COL28A1: variants seen among roughly 807,000 people sequenced by gnomAD.
COL28A1 encodes collagen type XXVIII alpha 1 chain, also known as collagen alpha-1(XXVIII) chain.
COL28A1 carries 161 observed loss-of-function variants against 150.2 expected under a neutral mutation model. The ratio of observed to expected loss-of-function variants is 1.07; its 90% CI spans 0.94 to 1.22. COL28A1 has a LOEUF of 1.22. Ranked by LOEUF, COL28A1 falls within the 50% of genes most tolerant of loss-of-function variation. The pLI is 0.00. For missense variants in COL28A1, 1,617 were observed against 1,388.3 expected, an observed-to-expected ratio of 1.16 and a Z score of -2.62; for synonymous variants, 552 against 469.7, an observed-to-expected ratio of 1.18 and a Z score of -2.26.
At chr7:7,406,941 C>T (rs1254521608) in intron 27 of COL28A1, among the ~76,000 whole-genome samples, 1 of 151,870 alleles carries the variant, frequency 6.6e-6, no homozygotes, top group Non-Finnish European at 1.5e-5. Context: ...GGACTGAATT[C>T]TTTTTCTAAA....
chr7:7,474,100 C>T (rs1041467809), intron 15 of COL28A1, among the ~76,000 whole-genome samples: 5 of 138,154 alleles, frequency 3.6e-5, no homozygotes, highest in Non-Finnish European at 7.5e-5. Flanking sequence ...TGATGGAATA[C>T]TACTCAGTCA....
upstream of COL28A1, among the ~76,000 whole-genome samples, chr7:7,539,150 G>A (rs1782743288): frequency 1.3e-5 from 2 of 152,076 alleles, no homozygotes; most frequent in African/African-American, 2.4e-5. Context: ...TCCATTTTGT[G>A]TTGCTATAAA....
At chr7:7,540,794 G>A (rs1291470482), upstream of COL28A1, among the ~76,000 whole-genome samples, 1 of 152,080 alleles carries the variant, frequency 6.6e-6, no homozygotes, top group Non-Finnish European at 1.5e-5. Context: ...TTAGTGCCTG[G>A]GCCATTAAAG....
intron 18 of COL28A1, among the ~76,000 whole-genome samples, chr7:7,451,647 C>T (rs1485264813): frequency 6.6e-6 from 1 of 152,032 alleles, no homozygotes; most frequent in African/African-American, 2.4e-5. Flanking sequence ...CTGCAATTGA[C>T]ATATATATAA....
intron 20 of COL28A1, among the ~76,000 whole-genome samples, chr7:7,442,720 T>C (rs1026871442): frequency 6.6e-5 from 10 of 152,142 alleles, no homozygotes; most frequent in African/African-American, 2.4e-4. Context: ...AATCTTTACA[T>C]GGGAATTGAT....
chr7:7,362,895 T>C (rs762603975), intron 33 of COL28A1, among the ~76,000 whole-genome samples: 2 of 152,152 alleles, frequency 1.3e-5, no homozygotes, highest in Admixed American at 6.5e-5. Context: ...AGGGTCTCGC[T>C]GTGTTGCCCA....
intron 3 of COL28A1, among the ~76,000 whole-genome samples, chr7:7,529,579 A>C (rs1450299995): frequency 1.3e-5 from 2 of 152,192 alleles, no homozygotes; most frequent in African/African-American, 2.4e-5. Context: ...TTTTGCTTCC[A>C]GTCTACTGCC....
rs1016332419 is a variant in COL28A1, at chr7:7,517,721, G to C, written c.855+75C>G. ...AATCACTTTTGCACTTGCACTAAGG[G>C]GGTCAAAATGGTCAACCACAAAATC... On this transcript the variant is annotated intron_variant, in intron 7 of 34. Coordinates refer to ENST00000399429, the MANE Select transcript of COL28A1 (RefSeq NM_001037763.3). The C allele has an allele frequency of 1.5e-5, 24 of 1,608,210 alleles. No individual in the cohort carries two copies. In the African/African-American group the frequency reaches 2.7e-4, roughly 18 times the overall value.
the COL28A1 span, among the ~76,000 whole-genome samples, chr7:7,347,521 A>G: frequency 6.6e-6 from 1 of 152,124 alleles, no homozygotes; most frequent in Non-Finnish European, 1.5e-5. Flanking sequence ...CCAGCATTTC[A>G]GTCATTTCTC....
chr7:7,443,247 A>G (rs1785952548), intron 20 of COL28A1, among the ~76,000 whole-genome samples: 2 of 152,180 alleles, frequency 1.3e-5, no homozygotes, highest in Admixed American at 1.3e-4. Context: ...ATTGCATGAG[A>G]TTTTATAAAG....
intron 18 of COL28A1, among the ~76,000 whole-genome samples, chr7:7,448,429 GCA>G (rs1786434264): frequency 1.3e-5 from 2 of 151,686 alleles, no homozygotes; most frequent in African/African-American, 2.4e-5. Flanking sequence ...AAAAGCAACT[GCA>G]CACTATAATT....
chr7:7,416,431 G>T (rs994339464), intron 27 of COL28A1, among the ~76,000 whole-genome samples: 1 of 152,206 alleles, frequency 6.6e-6, no homozygotes, highest in Non-Finnish European at 1.5e-5. Flanking sequence ...GCCTAAAGAC[G>T]TGGCAGCAAT....
chr7:7,432,448 T>G, intron 25 of COL28A1, 25 bp downstream of exon 25: 1 of 1,606,116 alleles, frequency 6.2e-7, no homozygotes, highest in Non-Finnish European at 8.5e-7. Flanking sequence ...TAGAAGCTAG[T>G]ACGTTGCCTA....
At chr7:7,509,908 C>A (rs901325356) in intron 9 of COL28A1, among the ~76,000 whole-genome samples, 4 of 152,148 alleles carry the variant, frequency 2.6e-5, no homozygotes, top group Non-Finnish European at 4.4e-5. Flanking sequence ...GAGATAATTA[C>A]CAAGCCTACC....
At chr7:7,427,893 C>CT (rs1409098090) in intron 25 of COL28A1, among the ~76,000 whole-genome samples, 1 of 152,172 alleles carries the variant, frequency 6.6e-6, no homozygotes, top group Non-Finnish European at 1.5e-5. Context: ...GATTGAGCAT[C>CT]TGTGGATCAG....
At chr7:7,377,445 C>T (rs1781616494) in intron 30 of COL28A1, among the ~76,000 whole-genome samples, 1 of 152,106 alleles carries the variant, frequency 6.6e-6, no homozygotes, top group Non-Finnish European at 1.5e-5. Context: ...TCTCGATCTG[C>T]TGGGAATTCC....
At chr7:7,424,525 C>T (rs1562606961) in intron 25 of COL28A1, among the ~76,000 whole-genome samples, 2 of 152,150 alleles carry the variant, frequency 1.3e-5, no homozygotes, top group South Asian at 4.1e-4. Flanking sequence ...GGAATTACAA[C>T]AGGTTGTCGC....
At chr7:7,393,805 A>G (rs1355387797) in intron 27 of COL28A1, among the ~76,000 whole-genome samples, 1 of 152,136 alleles carries the variant, frequency 6.6e-6, no homozygotes, top group African/African-American at 2.4e-5. Context: ...TCCCAGGTCA[A>G]CTTCAGACTG....
At chr7:7,409,776 G>GT (rs1268446805) in intron 27 of COL28A1, among the ~76,000 whole-genome samples, 1 of 152,026 alleles carries the variant, frequency 6.6e-6, no homozygotes, top group East Asian at 1.9e-4. Flanking sequence ...TTTCCTTTTT[G>GT]TTTCATGGCA....
Sources: gnomAD v4.1 joint callset for allele counts (sites outside exome capture counted in the v4.1 genomes callset) on GRCh38, gnomAD v4.1.1 for gene constraint, MANE v1.5 for transcripts, NCBI Gene and HGNC (gene_info 2026-07-23, HGNC 2026-07-21) for gene names.